The following CUL9 variants were observed in gnomAD, a reference collection of about 807,000 sequenced individuals.
CUL9 encodes the protein cullin 9.
In CUL9, 79 loss-of-function variants were observed where a neutral mutation model predicts 272.6. That is an observed-to-expected ratio of 0.29 (90% CI 0.24 to 0.35). CUL9 has a LOEUF of 0.35. Ranked by LOEUF, CUL9 falls within the 10% of genes least tolerant of loss-of-function variation. CUL9 has a pLI of 1.00. For missense variants in CUL9, 2,532 were observed against 3,255.6 expected (o/e 0.78, Z 5.41); for synonymous variants, 1,186 against 1,286.5 (o/e 0.92, Z 1.67).
At position 43,206,363 on chromosome 6, in the gene CUL9, G is replaced by A. The variant is rs1775044979; in HGVS notation, c.5065G>A (p.Glu1689Lys). 6.2e-7 allele frequency: 1 copy of A among 1,614,126 alleles called. No homozygotes were observed. Among genetic ancestry groups the A allele is most frequent in the Non-Finnish European group, 8.5e-7 (1 of 1,180,026 alleles). ...GGAAGCTGAGAAAGAATTATTTATC[G>A]AAGATCCAAGTCCAGCCATTTCTAT... ...EEEAEKELFI[E>K]DPSPAISILV... The change falls in exon 26 of 41, where the codon GAA (glutamate) becomes AAA (lysine). Residue 1689 changes from glutamate to lysine, a missense_variant. Physicochemically the swap from Glu to Lys is moderately conservative, Grantham distance 56 (BLOSUM62 1). Around this residue, in one of 3 missense-constraint regions of CUL9, gnomAD observed 2,218 missense variants for 2,788.6 expected, o/e 0.80. Transcript: ENST00000252050. The surrounding 1 kb of genome is among the most constrained non-coding windows in gnomAD (Gnocchi z 4.8).
chr6:43,220,645 G>A lies in CUL9; in HGVS notation c.6423+46G>A. ...GAGGCTCCAGTGCAGAGCCAAAGGA[G>A]TGTGCCCCAGGGAGTGGGCTGAGCT... On this transcript the variant is annotated intron_variant, in intron 32 of 40. Coordinates refer to ENST00000252050, the MANE Select transcript of CUL9 (RefSeq NM_015089.4). The surrounding 1 kb of genome is among the most constrained non-coding windows in gnomAD (Gnocchi z 4.9). 1 of 1,610,572 alleles carries A rather than the reference G, an allele frequency of 6.2e-7. No homozygotes were observed. Among genetic ancestry groups the A allele is most frequent in the Non-Finnish European group, 8.5e-7 (1 of 1,177,942 alleles).
chr6:43,223,448 GTCC>G lies in CUL9; in HGVS notation c.7284+56_7284+58del. The G allele has an allele frequency of 6.5e-7, 1 of 1,538,214 alleles. No individual in the cohort carries two copies. Among genetic ancestry groups the G allele is most frequent in the South Asian group, 1.2e-5 (1 of 83,438 alleles). On this transcript the variant is annotated intron_variant, in intron 39 of 40. Coordinates refer to ENST00000252050, the MANE Select transcript of CUL9 (RefSeq NM_015089.4). This position sits in a 1 kb window ranked among gnomAD's most constrained non-coding sequence, Gnocchi z 4.1. Reference sequence around the variant, plus strand: ...GCTCCTGCATTCTGCGGGAGTTGAGGTCCTCCTGTCCCAGCACAGCCCCTGCCC... The same window carrying G: ...GCTCCTGCATTCTGCGGGAGTTGAGGTCCTGTCCCAGCACAGCCCCTGCCC...
intron 2 of CUL9, 71 bp from the exon 3 acceptor site, chr6:43,185,385 T>C: frequency 6.5e-7 from 1 of 1,534,266 alleles, no homozygotes; most frequent in Non-Finnish European, 8.9e-7. Flanking sequence ...GGGTAGGAGA[T>C]AGAATCTAGG....
Position 43,187,016 on chromosome 6 carries a change from C to T in CUL9, c.1308C>T (p.Ile436=). The change falls in exon 5 of 41, where the codon ATC becomes ATT. Residue 436 remains isoleucine (I), a synonymous_variant. Transcript: ENST00000252050. ...TYWVHWHMLE[I]LGPEEATEDK... ...GGGTGCACTGGCACATGCTGGAGAT[C>T]CTGGGCCCTGAGGAAGCCACTGAGG... 6.2e-7 allele frequency: 1 copy of T among 1,614,088 alleles called. No individual in the cohort carries two copies. Among genetic ancestry groups the T allele is most frequent in the East Asian group, 2.2e-5 (1 of 44,876 alleles).
intron 26 of CUL9, among the ~76,000 whole-genome samples, chr6:43,207,247 A>G (rs904383645): frequency 6.6e-6 from 1 of 152,266 alleles, no homozygotes; most frequent in Non-Finnish European, 1.5e-5. Context: ...ATCAAGATAC[A>G]GAACATTTCC....
At position 43,216,475 on chromosome 6, in the gene CUL9, C is replaced by G. The variant is rs1434902341; in HGVS notation, c.6254C>G (p.Ser2085Cys). The change falls in exon 31 of 41, where the codon TCT becomes TGT. Residue 2085 changes from serine to cysteine, a missense_variant. This residue lies in a region of CUL9 where 2,218 missense variants were observed against 2,788.6 expected (regional missense o/e 0.80). Coordinates refer to ENST00000252050, the MANE Select transcript of CUL9 (RefSeq NM_015089.4). ...SPLGCDDDLP[S>C]LCCMHYCCKS... The stretch of plus-strand genomic sequence containing the variant: ...CTGGGGTGTGACGACGACCTGCCCT[C>G]TCTCTGCTGCATGCACTATTGCTGT... 15 of 1,600,940 alleles carry G rather than the reference C, an allele frequency of 9.4e-6. No homozygotes were observed. Among genetic ancestry groups the G allele is most frequent in the Non-Finnish European group, 1.3e-5 (15 of 1,169,738 alleles).
At chr6:43,192,465 G>A (rs535086469) in intron 8 of CUL9, among the ~76,000 whole-genome samples, 46 of 152,330 alleles carry the variant, frequency 3.0e-4, no homozygotes, top group Admixed American at 2.1e-3. Context: ...GAGGCCAGGA[G>A]TTCGAGACCA....
In CUL9 at chr6:43,223,185, C is replaced by T. The variant is rs16896362; in HGVS notation, c.7151-79C>T. On this transcript the variant is annotated intron_variant, in intron 38 of 40. Transcript: ENST00000252050. The surrounding 1 kb of genome is among the most constrained non-coding windows in gnomAD (Gnocchi z 4.1). ...AGAGCTGCACCTGGTGCTTGGTAGA[C>T]GTTCCATAGGTGTTTGTTGGAGGAA... is the stretch of plus-strand genomic sequence containing the variant. The T allele has an allele frequency of 0.013, 19,522 of 1,491,730 alleles. 294 individuals carry two copies. Among genetic ancestry groups the T allele is most frequent in the African/African-American group, 0.074 (5,345 of 72,168 alleles). 92.4% of individuals were successfully genotyped at this position (1,491,730 alleles called of 1,614,324 possible).
At chr6:43,191,910 CTTTT>C (rs901802484) in intron 8 of CUL9, among the ~76,000 whole-genome samples, 1 of 139,172 alleles carries the variant, frequency 7.2e-6, no homozygotes. Context: ...ATGGTTCTTC[CTTTT>C]TTTTTTTTTG....
In CUL9 at chr6:43,200,033, C is replaced by G; in HGVS notation, c.3261C>G (p.Val1087=). The G allele has an allele frequency of 6.2e-7, 1 of 1,614,218 alleles. No homozygotes were observed. ...CLGAKEILSK[V]LDKHSAQLLL... ...GAGCAAAAGAGATCCTCTCCAAAGT[C>G]CTGGACAAGCACTCAGCTCAGCTGC... is the stretch of plus-strand genomic sequence containing the variant. Residue 1087 remains valine, a synonymous_variant, in exon 14 of 41, where the codon GTC becomes GTG. Coordinates refer to ENST00000252050, the MANE Select transcript of CUL9 (RefSeq NM_015089.4). This position sits in a 1 kb window ranked among gnomAD's most constrained non-coding sequence, Gnocchi z 4.0.
chr6:43,187,775 G>A lies in CUL9; in HGVS notation c.1644G>A (p.Leu548=). ...CCGTGGAAATGGCCGAGAGTCTGCTGCAGGTTCTCAGTAGTCGATTTGAGG... is the reference window on the plus strand; with the variant it reads ...CCGTGGAAATGGCCGAGAGTCTGCTACAGGTTCTCAGTAGTCGATTTGAGG... ...SVSVEMAESL[L]QVLSSRFEGS... The change falls in exon 7 of 41, where the codon CTG becomes CTA. Residue 548 remains leucine, a synonymous_variant. Transcript: ENST00000252050. 6.2e-7 allele frequency: 1 copy of A among 1,613,822 alleles called. No individual in the cohort carries two copies. The highest frequency in any genetic ancestry group is 8.5e-7 in the Non-Finnish European group (1 of 1,179,982).
intron 7 of CUL9, 140 bp from the exon 8 acceptor site, chr6:43,188,383 A>G (rs1166071300): frequency 4.5e-6 from 4 of 890,418 alleles, no homozygotes. Flanking sequence ...GATCCCTGAC[A>G]CAGAATTGGA....
At position 43,184,177 on chromosome 6, in the gene CUL9, C is replaced by T. The variant is rs1432141230; in HGVS notation, c.-9-125C>T. 5 of 614,604 alleles carry T rather than the reference C, an allele frequency of 8.1e-6. No homozygotes were observed. The highest frequency in any genetic ancestry group is 1.3e-5 in the Non-Finnish European group (5 of 392,026). The allele number at this position is 614,604 out of a possible 1,614,324, so 38.1% of individuals were successfully genotyped here. A position where few individuals can be genotyped will look rare whatever the true frequency, so the allele number is the denominator to read the frequency against. On this transcript the variant is annotated intron_variant, in intron 1 of 40. Transcript: ENST00000252050. This position sits in a 1 kb window ranked among gnomAD's most constrained non-coding sequence, Gnocchi z 4.8. ...CTATTTTTTGCCTTTTCTGTTTGGC[C>T]TCCTAAATTCTACCATGCAGCCTAC...
intron 37 of CUL9, 65 bp downstream of exon 37, chr6:43,222,706 G>A: frequency 6.2e-7 from 1 of 1,604,464 alleles, no homozygotes; most frequent in Non-Finnish European, 8.5e-7. Flanking sequence ...GGGCTTGGCT[G>A]CTTTCATCGG....
chr6:43,186,864 T>C (rs886835030), intron 4 of CUL9, 96 bp from the exon 5 acceptor site: 2 of 1,467,332 alleles, frequency 1.4e-6, no homozygotes, highest in African/African-American at 2.8e-5. Context: ...GCGCCCCAGA[T>C]CTATGCTTGG....
chr6:43,201,061 G>T (rs9472024), intron 16 of CUL9, among the ~76,000 whole-genome samples: 1 of 152,216 alleles, frequency 6.6e-6, no homozygotes, highest in Admixed American at 6.5e-5. Flanking sequence ...GCACTGCCCT[G>T]TGCTTAGTGT....
At chr6:43,192,977 C>T (rs758288259) in intron 8 of CUL9, 24 bp from the exon 9 acceptor site, 7 of 1,609,552 alleles carry the variant, frequency 4.3e-6, no homozygotes, top group African/African-American at 4.0e-5. Flanking sequence ...GGATGGGGAG[C>T]CCCAATATCT....
In CUL9 at chr6:43,187,056, G is replaced by A; in HGVS notation, c.1348G>A (p.Ala450Thr). ...EEATEDKASA[A>T]VEKGAGATVL... ...AGCCACTGAGGATAAGGCTTCAGCA[G>A]CTGTGGAGAAGGGGGCAGGGGCTAC... is the stretch of plus-strand genomic sequence containing the variant. Residue 450 changes from alanine to threonine, a missense_variant, in exon 5 of 41, where the codon GCT becomes ACT. Ala to Thr is a moderately conservative substitution (Grantham distance 58). This residue lies in a region of CUL9 where 2,218 missense variants were observed against 2,788.6 expected (regional missense o/e 0.80). Coordinates refer to ENST00000252050, the MANE Select transcript of CUL9 (RefSeq NM_015089.4). 6.2e-7 allele frequency: 1 copy of A among 1,614,120 alleles called. No homozygotes were observed. The highest frequency in any genetic ancestry group is 8.5e-7 in the Non-Finnish European group (1 of 1,179,966).
intron 1 of CUL9, among the ~76,000 whole-genome samples, chr6:43,183,693 CCTTCCTTCCTTT>C (rs976396464): frequency 1.6e-5 from 2 of 122,744 alleles, no homozygotes; most frequent in East Asian, 2.4e-4. Flanking sequence ...TGTAAACTCC[CCTTCCTTCCTTT>C]CTTCCTTCCT....
Sources: gnomAD v4.1 joint callset for allele counts (sites outside exome capture counted in the v4.1 genomes callset) on GRCh38, gnomAD v4.1.1 for gene constraint, gnomAD v4.1.1 regional missense constraint, Gnocchi (gnomAD v3.1) non-coding constraint, MANE v1.5 for transcripts, NCBI Gene and HGNC (gene_info 2026-07-23, HGNC 2026-07-21) for gene names.